The following ABCA5 variants were observed in gnomAD, a reference collection of about 807,000 sequenced individuals.
ABCA5 encodes the protein ATP binding cassette subfamily A member 5, also known as cholesterol transporter ABCA5.
In ABCA5, 163 loss-of-function variants were observed where a neutral mutation model predicts 206.0. The observed-to-expected ratio is 0.79, with a 90% CI of 0.70 to 0.90. The LOEUF is 0.90. Among genes scored for constraint, ABCA5 ranks in the 40% least tolerant of loss-of-function variants. ABCA5 has a pLI of 0.00. For synonymous variants in ABCA5, 609 were observed against 613.8 expected, an observed-to-expected ratio of 0.99 and a Z score of 0.11; for missense variants, 1,859 against 1,912.9, an observed-to-expected ratio of 0.97 and a Z score of 0.53.
At chr17:69,248,375 C>T (rs2074976381) in intron 37 of ABCA5, 58 bp from the exon 38 acceptor site, 2 of 1,000,424 alleles carry the variant, frequency 2.0e-6, no homozygotes, top group South Asian at 1.5e-5. Flanking sequence ...ATGGCAATAC[C>T]TACCAAAGTG....
chr17:69,286,666 T>C (rs2075457215), intron 15 of ABCA5, among the ~76,000 whole-genome samples: 1 of 152,160 alleles, frequency 6.6e-6, no homozygotes, highest in Non-Finnish European at 1.5e-5. Flanking sequence ...TATAACCAAA[T>C]GTAGAAACAA....
chr17:69,309,965 G>A (rs992555593), intron 3 of ABCA5, among the ~76,000 whole-genome samples: 4 of 152,056 alleles, frequency 2.6e-5, no homozygotes, highest in Admixed American at 1.3e-4. Context: ...TTATACTTAT[G>A]TTATAAATAT....
At chr17:69,299,690 G>A (rs999089376) in intron 9 of ABCA5, among the ~76,000 whole-genome samples, 11 of 151,834 alleles carry the variant, frequency 7.2e-5, no homozygotes, top group African/African-American at 2.4e-4. Flanking sequence ...GGATTATGGG[G>A]GCTCAGGGAA....
chr17:69,293,271 C>T (rs2075548316), intron 11 of ABCA5, among the ~76,000 whole-genome samples: 1 of 151,768 alleles, frequency 6.6e-6, no homozygotes, highest in African/African-American at 2.4e-5. Flanking sequence ...CTAGTAAGTC[C>T]CAAAAATCTG....
rs779941139 is a variant in ABCA5 at position 69,291,336 on chromosome 17, G to GAAA, written c.1496-13_1496-11dup. On this transcript the variant is annotated splice_polypyrimidine_tract_variant and intron_variant, in intron 11 of 38. Transcript: ENST00000392676. ...ATGTCAAATGACAAATCTAGTTCAG[G>GAAA]AAAAAAGAAGACTCAAATGTAATTT... The GAAA allele has an allele frequency of 6.6e-7, 1 of 1,511,990 alleles. No individual in the cohort carries two copies. The highest frequency in any genetic ancestry group is 9.1e-7 in the Non-Finnish European group (1 of 1,095,832). The allele number at this position is 1,511,990 out of a possible 1,614,324, so 93.7% of individuals were successfully genotyped here.
Position 69,270,805 on chromosome 17 carries a change from T to C in ABCA5, c.2893-55A>G, listed in dbSNP as rs1251128860. ...TACTGTATATAAGCGGATATATTAT[T>C]GATATGTACCAAGCTTTTCTCACCA... On this transcript the variant is annotated intron_variant, in intron 21 of 38. Transcript: ENST00000392676. 4 of 1,421,618 alleles carry C rather than the reference T, an allele frequency of 2.8e-6. No individual in the cohort carries two copies. The Admixed American group carries it at 1.1e-4, about 38-fold the overall frequency. 88.1% of individuals were successfully genotyped at this position (1,421,618 alleles called of 1,614,324 possible).
intron 9 of ABCA5, among the ~76,000 whole-genome samples, chr17:69,300,040 T>C (rs1390398992): frequency 6.6e-6 from 1 of 152,194 alleles, no homozygotes; most frequent in Non-Finnish European, 1.5e-5. Flanking sequence ...ATGCATTACA[T>C]TTATTGTGAA....
At chr17:69,277,956 A>T in intron 18 of ABCA5, 114 bp from the exon 19 acceptor site, 3 of 735,194 alleles carry the variant, frequency 4.1e-6, no homozygotes, top group Non-Finnish European at 6.3e-6. Flanking sequence ...GAACAAATGG[A>T]ACTCTCTTAT....
intron 11 of ABCA5, 101 bp downstream of exon 11, chr17:69,294,554 A>G: frequency 9.6e-7 from 1 of 1,042,858 alleles, no homozygotes; most frequent in South Asian, 1.5e-5. Context: ...AGCAAGACAG[A>G]AAATCATGGT....
intron 18 of ABCA5, among the ~76,000 whole-genome samples, chr17:69,278,174 TAAC>T (rs2075354565): frequency 6.6e-6 from 1 of 152,060 alleles, no homozygotes; most frequent in African/African-American, 2.4e-5. Flanking sequence ...ACTGTACCCA[TAAC>T]AACATGGCTG....
chr17:69,311,099 C>T (rs1362385705), intron 3 of ABCA5, among the ~76,000 whole-genome samples: 2 of 151,928 alleles, frequency 1.3e-5, no homozygotes, highest in Non-Finnish European at 1.5e-5. Flanking sequence ...GAGGCTGAAG[C>T]GGGAGTATCA....
In ABCA5 at chr17:69,253,562, AC is replaced by A; in HGVS notation, c.4415+10del. 1 of 1,591,648 alleles carries A rather than the reference AC, an allele frequency of 6.3e-7. No homozygotes were observed. The highest frequency in any genetic ancestry group is 8.6e-7 in the Non-Finnish European group (1 of 1,159,694). On this transcript the variant is annotated intron_variant, in intron 34 of 38. Coordinates refer to ENST00000392676, the MANE Select transcript of ABCA5 (RefSeq NM_172232.4). ...AAGTATCATGTACTGTGTCACAAGTACCATACTCACCACATGTGCTGTTTGG... is the reference window on the plus strand; with the variant it reads ...AAGTATCATGTACTGTGTCACAAGTACATACTCACCACATGTGCTGTTTGG...
intron 28 of ABCA5, among the ~76,000 whole-genome samples, chr17:69,258,988 C>A (rs538226511): frequency 6.6e-6 from 1 of 151,806 alleles, no homozygotes; most frequent in South Asian, 2.1e-4. Flanking sequence ...AAAATAGAAC[C>A]CTAAAACATT....
chr17:69,276,546 A>C (rs2075334189), intron 19 of ABCA5, among the ~76,000 whole-genome samples: 1 of 152,184 alleles, frequency 6.6e-6, no homozygotes, highest in Non-Finnish European at 1.5e-5. Context: ...CAGCAAACTA[A>C]CACAGGAACA....
intron 1 of ABCA5, among the ~76,000 whole-genome samples, chr17:69,317,383 G>C (rs1020935775): frequency 3.6e-5 from 4 of 109,602 alleles, no homozygotes; most frequent in South Asian, 6.4e-4. Context: ...CTGGGCATCA[G>C]AGCAAGACTC....
chr17:69,306,914 G>A lies in ABCA5; in HGVS notation c.599C>T (p.Thr200Ile), dbSNP rs776573075. The A allele has an allele frequency of 8.8e-6, 14 of 1,588,976 alleles. No individual in the cohort carries two copies. In the East Asian group the frequency reaches 3.0e-4, roughly 34 times the overall value. ...NVSLWKELES[T>I]KAVIMGETAV... is the part of the protein sequence containing the mutation. Reference sequence around the variant, plus strand: ...AGTTTCTCCCATAATAACAGCTTTAGTTGACTCCAGCTCCTTCCAAAGAGA... The same window carrying A: ...AGTTTCTCCCATAATAACAGCTTTAATTGACTCCAGCTCCTTCCAAAGAGA... The change falls in exon 6 of 39, where the codon ACT (threonine) becomes ATT (isoleucine). Residue 200 changes from threonine to isoleucine, a missense_variant. By Grantham distance (89) the Thr-to-Ile change is moderately conservative (BLOSUM62 -1). Transcript: ENST00000392676.
At chr17:69,322,215 C>T (rs1262663218) in intron 1 of ABCA5, among the ~76,000 whole-genome samples, 1 of 151,572 alleles carries the variant, frequency 6.6e-6, no homozygotes, top group South Asian at 2.1e-4. Flanking sequence ...ACTAAAAATA[C>T]AAAAATTAGC....
chr17:69,314,194 A>G (rs2075795075), intron 2 of ABCA5, 120 bp downstream of exon 2: 4 of 459,086 alleles, frequency 8.7e-6, no homozygotes, highest in South Asian at 1.1e-4. Flanking sequence ...TTACTTTACA[A>G]GCAAAGAAAA....
chr17:69,290,578 A>T (rs776627619), intron 12 of ABCA5, among the ~76,000 whole-genome samples: 1 of 152,146 alleles, frequency 6.6e-6, no homozygotes, highest in Admixed American at 6.5e-5. Flanking sequence ...ACCATCAAAG[A>T]GTGATACAAC....
Sources: gnomAD v4.1 joint callset for allele counts (sites outside exome capture counted in the v4.1 genomes callset) on GRCh38, gnomAD v4.1.1 for gene constraint, MANE v1.5 for transcripts, NCBI Gene and HGNC (gene_info 2026-07-23, HGNC 2026-07-21) for gene names.